Variants in SUGCT observed in about 807,000 individuals in gnomAD.
SUGCT encodes the protein succinyl-CoA:glutarate-CoA transferase, also known as succinyl-CoA:glutarate CoA-transferase.
A neutral mutation model predicts 55.0 loss-of-function variants in SUGCT; 41 were observed. That is an observed-to-expected ratio of 0.74 (90% CI 0.58 to 0.97). The LOEUF (loss-of-function observed/expected upper bound fraction) is 0.97, where lower values mean the gene tolerates loss of function less well. SUGCT is among the 50% of genes least tolerant of loss of function. The pLI is 0.00. For missense variants in SUGCT, 568 were observed against 547.8 expected, an observed-to-expected ratio of 1.04 and a Z score of -0.37; for synonymous variants, 187 against 200.4, an observed-to-expected ratio of 0.93 and a Z score of 0.56.
chr7:40,651,109 T>G (rs1453796380), intron 12 of SUGCT, among the ~76,000 whole-genome samples: 1 of 152,240 alleles, frequency 6.6e-6, no homozygotes, highest in Non-Finnish European at 1.5e-5. Context: ...ATTTTCTTTA[T>G]CTGCTCTATC....
intron 8 of SUGCT, among the ~76,000 whole-genome samples, chr7:40,287,419 T>G (rs950760543): frequency 4.6e-5 from 7 of 152,154 alleles, no homozygotes; most frequent in South Asian, 4.1e-4. Context: ...AGGCATCCTT[T>G]TCTTGTTCCT....
At chr7:40,251,538 G>A (rs887213844) in intron 7 of SUGCT, among the ~76,000 whole-genome samples, 1 of 152,116 alleles carries the variant, frequency 6.6e-6, no homozygotes. Flanking sequence ...CTCTTCCCAA[G>A]ACCCCAGCCA....
At chr7:40,195,469 C>T (rs1001940077) in intron 6 of SUGCT, among the ~76,000 whole-genome samples, 2 of 151,966 alleles carry the variant, frequency 1.3e-5, no homozygotes, top group African/African-American at 4.8e-5. Flanking sequence ...GATCTGCTCT[C>T]TTCAGTCTCC....
intron 9 of SUGCT, among the ~76,000 whole-genome samples, chr7:40,351,910 C>A (rs962701761): frequency 2.0e-5 from 3 of 152,202 alleles, no homozygotes; most frequent in African/African-American, 7.2e-5. Context: ...ACCTGAGAAG[C>A]TTTTAATGCA....
chr7:40,891,117 GA>G, the SUGCT span, among the ~76,000 whole-genome samples: 4 of 149,846 alleles, frequency 2.7e-5, no homozygotes, highest in African/African-American at 7.4e-5. Context: ...CCAAGTAGAG[GA>G]AAAAAAAAGA....
intron 11 of SUGCT, among the ~76,000 whole-genome samples, chr7:40,462,087 C>T (rs1038143895): frequency 6.6e-6 from 1 of 152,126 alleles, no homozygotes; most frequent in Admixed American, 6.5e-5. Flanking sequence ...ACGAAACAGA[C>T]AAAGTGTATC....
intron 12 of SUGCT, among the ~76,000 whole-genome samples, chr7:40,693,233 C>G (rs1351116330): frequency 6.6e-6 from 1 of 152,184 alleles, no homozygotes; most frequent in Non-Finnish European, 1.5e-5. Context: ...AGTACTGGCT[C>G]TACCACTTAT....
intron 13 of SUGCT, among the ~76,000 whole-genome samples, chr7:40,858,547 GTTC>G (rs1409019366): frequency 2.0e-5 from 3 of 152,156 alleles, no homozygotes; most frequent in Admixed American, 6.5e-5. Context: ...GCTTCAAGCA[GTTC>G]TTCTTTTGAT....
At chr7:40,143,174 A>G (rs1788075608) in intron 1 of SUGCT, among the ~76,000 whole-genome samples, 1 of 152,182 alleles carries the variant, frequency 6.6e-6, no homozygotes, top group Non-Finnish European at 1.5e-5. Context: ...ATACTGCTCT[A>G]ATTATTTGGC....
intron 12 of SUGCT, among the ~76,000 whole-genome samples, chr7:40,535,785 C>T (rs1794330348): frequency 6.6e-6 from 1 of 152,198 alleles, no homozygotes; most frequent in South Asian, 2.1e-4. Context: ...GATCCACCCG[C>T]CTTGACCTCC....
intron 12 of SUGCT, among the ~76,000 whole-genome samples, chr7:40,550,995 C>T (rs1311783394): frequency 1.3e-5 from 2 of 152,148 alleles, no homozygotes; most frequent in Non-Finnish European, 2.9e-5. Flanking sequence ...TTGTCAGGTG[C>T]CTGTGGCAGC....
chr7:40,482,686 A>G (rs1007857470), intron 11 of SUGCT, among the ~76,000 whole-genome samples: 4 of 152,174 alleles, frequency 2.6e-5, no homozygotes, highest in African/African-American at 9.7e-5. Flanking sequence ...GGTCATAGCA[A>G]TTCTGGTCAG....
At chr7:40,325,229 A>C (rs1795967997) in intron 9 of SUGCT, among the ~76,000 whole-genome samples, 1 of 103,826 alleles carries the variant, frequency 9.6e-6, no homozygotes, top group African/African-American at 3.9e-5. Flanking sequence ...ACACATGTTA[A>C]GGATTTTTTT....
At chr7:40,455,965 A>G (rs2151439624) in intron 10 of SUGCT, among the ~76,000 whole-genome samples, 1 of 152,310 alleles carries the variant, frequency 6.6e-6, no homozygotes, top group East Asian at 1.9e-4. Context: ...TTCTCCTGAC[A>G]AACAGCTCTT....
chr7:40,776,514 A>G (rs1789461522), intron 13 of SUGCT, among the ~76,000 whole-genome samples: 2 of 152,176 alleles, frequency 1.3e-5, no homozygotes, highest in Admixed American at 6.5e-5. Flanking sequence ...TTGAGTTTTC[A>G]TATTCTTCTG....
intron 9 of SUGCT, among the ~76,000 whole-genome samples, chr7:40,333,704 A>ATATATATAT (rs1562689549): frequency 3.1e-4 from 36 of 114,414 alleles, no homozygotes; most frequent in Non-Finnish European, 5.8e-4. Flanking sequence ...TATATATATA[A>ATATATATAT]ATATTTATAA....
chr7:40,301,945 A>T (rs2151079260), intron 8 of SUGCT, among the ~76,000 whole-genome samples: 1 of 152,348 alleles, frequency 6.6e-6, no homozygotes, highest in South Asian at 2.1e-4. Context: ...AAAGCTTTTG[A>T]ATCTTTATTA....
the SUGCT span, among the ~76,000 whole-genome samples, chr7:40,950,403 C>G: frequency 6.6e-6 from 1 of 152,186 alleles, no homozygotes; most frequent in Non-Finnish European, 1.5e-5. Context: ...CATCTGCAAA[C>G]AGGGACAATT....
intron 9 of SUGCT, among the ~76,000 whole-genome samples, chr7:40,417,818 CTT>C (rs1280670829): frequency 1.3e-5 from 2 of 151,948 alleles, no homozygotes; most frequent in East Asian, 1.9e-4. Flanking sequence ...GTATGAATCT[CTT>C]TGTCGATGAC....
Sources: allele counts gnomAD v4.1 joint callset (sites outside exome capture counted in the v4.1 genomes callset), GRCh38; gene constraint gnomAD v4.1.1; transcripts MANE v1.5; gene names NCBI Gene and HGNC (gene_info 2026-07-23, HGNC 2026-07-21).